The following PCNT variants were observed in gnomAD, a reference collection of about 807,000 sequenced individuals.
The protein encoded by PCNT is pericentrin, also known as kendrin.
Under a neutral mutation model 380.4 loss-of-function variants are expected in PCNT, and 319 were observed. That is an observed-to-expected ratio of 0.84 (90% CI 0.77 to 0.92). PCNT has a LOEUF of 0.92. PCNT is among the 40% of genes least tolerant of loss of function. PCNT has a pLI of 0.00. For synonymous variants in PCNT, 1,845 were observed against 1,735.2 expected, an observed-to-expected ratio of 1.06 and a Z score of -1.57; for missense variants, 4,400 against 4,255.3, an observed-to-expected ratio of 1.03 and a Z score of -0.95.
Position 46,335,188 on chromosome 21 carries a change from A to G in PCNT, c.639+420A>G, listed in dbSNP as rs116696068. ...CTGGTACCTCGTTTCTCACATCATC[A>G]GTTTGTGACTGGAAGTCCTGTGCCA... On this transcript the variant is annotated intron_variant, in intron 3 of 46. Coordinates refer to ENST00000359568, the MANE Select transcript of PCNT (RefSeq NM_006031.6). Among the ~76,000 whole-genome samples the G allele has an allele frequency of 7.7e-3, 1,164 of 152,096 alleles. 15 individuals are homozygous for G. Among genetic ancestry groups the G allele is most frequent in the African/African-American group, 0.027 (1,109 of 41,482 alleles).
At chr21:46,335,974 G>T (rs1215316978) in intron 3 of PCNT, among the ~76,000 whole-genome samples, 1 of 151,762 alleles carries the variant, frequency 6.6e-6, no homozygotes, top group African/African-American at 2.4e-5. Context: ...CACTGCACTT[G>T]GCCGGCAAAT....
chr21:46,343,690 A>G (rs776821365), intron 3 of PCNT, among the ~76,000 whole-genome samples: 16 of 152,142 alleles, frequency 1.1e-4, no homozygotes, highest in Non-Finnish European at 8.8e-5. Context: ...TTTCAGTAGG[A>G]TTAGTACCAA....
chr21:46,374,038 T>G (rs1304498683), intron 15 of PCNT, among the ~76,000 whole-genome samples: 1 of 152,146 alleles, frequency 6.6e-6, no homozygotes, highest in Non-Finnish European at 1.5e-5. Flanking sequence ...GCTCAGATAC[T>G]CTTTTATGTG....
At chr21:46,349,516 C>T (rs546741926) in intron 7 of PCNT, among the ~76,000 whole-genome samples, 168 bp from the exon 8 acceptor site, 2 of 152,280 alleles carry the variant, frequency 1.3e-5, no homozygotes, top group East Asian at 3.9e-4. Flanking sequence ...CATGGGTAGG[C>T]GATGTCCCCT....
chr21:46,407,879 A>T (rs2086665947), intron 27 of PCNT, among the ~76,000 whole-genome samples: 1 of 150,904 alleles, frequency 6.6e-6, no homozygotes, highest in Non-Finnish European at 1.5e-5. Context: ...TTCTCCTCTT[A>T]TTTTCATTAT....
rs1339599383 is a variant in PCNT at position 46,353,195 on chromosome 21, G to C, written c.1548G>C (p.Leu516=). 6.2e-7 allele frequency: 1 copy of C among 1,614,024 alleles called. No homozygotes were observed. Among genetic ancestry groups the C allele is most frequent in the Non-Finnish European group, 8.5e-7 (1 of 1,180,024 alleles). ...AAAAAACCCAGCATGAGTCCGAACTGGAGCAACTGAGGATTTATTTTGAAA... is the reference window on the plus strand; with the variant it reads ...AAAAAACCCAGCATGAGTCCGAACTCGAGCAACTGAGGATTTATTTTGAAA... ...QREKTQHESE[L]EQLRIYFEKK... is the part of the protein sequence containing the mutation. The change falls in exon 10 of 47, where the codon CTG becomes CTC. Residue 516 remains leucine, a synonymous_variant. Transcript: ENST00000359568.
chr21:46,386,116 G>C (rs2085825294), intron 17 of PCNT, 133 bp downstream of exon 17: 1 of 1,037,766 alleles, frequency 9.6e-7, no homozygotes, highest in African/African-American at 1.6e-5. Flanking sequence ...GGTGGACGGG[G>C]ACCCGGCTTC....
chr21:46,353,570 A>T (rs1477608811), intron 10 of PCNT, among the ~76,000 whole-genome samples: 2 of 151,652 alleles, frequency 1.3e-5, no homozygotes, highest in Admixed American at 6.6e-5. Context: ...TTGGTGGTGG[A>T]CACGCTCGTG....
Position 46,381,714 on chromosome 21 carries a change from G to C in PCNT, c.3186G>C (p.Lys1062Asn). ...TACAGGGTGAATTTGGAAGTGAAAA[G>C]AAAACTGCTTTGCATGAAAAAGAGG... Reference protein sequence around the residue: ...GVHQGEFGSEKKTALHEKEET... With the variant: ...GVHQGEFGSENKTALHEKEET... The change falls in exon 16 of 47, where the codon AAG (lysine) becomes AAC (asparagine). Residue 1062 changes from lysine to asparagine, a missense_variant. Lys to Asn is a moderately conservative substitution (Grantham distance 94). Transcript: ENST00000359568. 1 of 1,614,074 alleles carries C rather than the reference G, an allele frequency of 6.2e-7. No homozygotes were observed. Among genetic ancestry groups the C allele is most frequent in the South Asian group, 1.1e-5 (1 of 91,080 alleles).
intron 3 of PCNT, among the ~76,000 whole-genome samples, chr21:46,336,039 C>T (rs1047394947): frequency 6.6e-6 from 1 of 151,976 alleles, no homozygotes; most frequent in Non-Finnish European, 1.5e-5. Context: ...TGCAGTGGCG[C>T]GATCTCGGCT....
intron 36 of PCNT, 86 bp downstream of exon 36, chr21:46,430,318 C>T: frequency 1.4e-6 from 2 of 1,439,404 alleles, no homozygotes; most frequent in Non-Finnish European, 1.9e-6. Flanking sequence ...GACAGAACCT[C>T]TGGTGGGCCG....
chr21:46,417,243 G>A (rs752884000), intron 30 of PCNT, among the ~76,000 whole-genome samples: 16 of 124,148 alleles, frequency 1.3e-4, no homozygotes, highest in Admixed American at 4.2e-4. Context: ...ACCCAGGCTA[G>A]AGTGCAGTGA....
chr21:46,388,007 G>C lies in PCNT; in HGVS notation c.3465-735G>C, dbSNP rs368230816. The stretch of plus-strand genomic sequence containing the variant: ...GGGTGGATCATGAGGTCAGGAGATC[G>C]AGACCATCCTGGCTAACATGGTGAA... On this transcript the variant is annotated intron_variant, in intron 17 of 46. Coordinates refer to ENST00000359568, the MANE Select transcript of PCNT (RefSeq NM_006031.6). The surrounding 1 kb of genome is among the most constrained non-coding windows in gnomAD (Gnocchi z 4.2). Among the ~76,000 whole-genome samples, 8 of 151,980 alleles carry C rather than the reference G, an allele frequency of 5.3e-5. 1 individual carries two copies. The highest frequency in any genetic ancestry group is 4.2e-4 in the South Asian group (2 of 4,808).
Position 46,388,769 on chromosome 21 carries a change from G to T in PCNT, c.3492G>T (p.Arg1164Ser). The change falls in exon 18 of 47, where the codon AGG becomes AGT. Residue 1164 changes from arginine to serine, a missense_variant. By Grantham distance (110) the Arg-to-Ser change is moderately radical (BLOSUM62 -1). Transcript: ENST00000359568. The surrounding 1 kb of genome is among the most constrained non-coding windows in gnomAD (Gnocchi z 4.2). ...GGGCCCTCCAGGACGCCCTGCGCAG[G>T]CTGCTGGGTTTGTTTGGAGAGACGC... ...ERGALQDALR[R>S]LLGLFGETLR... is the part of the protein sequence containing the mutation. The T allele has an allele frequency of 6.2e-7, 1 of 1,613,896 alleles. No individual in the cohort carries two copies. The highest frequency in any genetic ancestry group is 2.2e-5 in the East Asian group (1 of 44,868).
At chr21:46,418,376 T>C in intron 31 of PCNT, 70 bp downstream of exon 31, 1 of 951,228 alleles carries the variant, frequency 1.1e-6, no homozygotes, top group Non-Finnish European at 1.7e-6. Context: ...GTCAAAAGAA[T>C]TCCTGCATCC....
chr21:46,342,503 G>GT (rs1569172095), intron 3 of PCNT, among the ~76,000 whole-genome samples: 1 of 147,540 alleles, frequency 6.8e-6, no homozygotes, highest in Non-Finnish European at 1.5e-5. Context: ...ACCTGGATGT[G>GT]TTTTTTATCT....
intron 42 of PCNT, 50 bp downstream of exon 42, chr21:46,440,252 G>A (rs574887155): frequency 2.5e-6 from 4 of 1,607,736 alleles, no homozygotes; most frequent in African/African-American, 1.3e-5. Context: ...TTAAGTCCTG[G>A]GTTTGCAAAT....
chr21:46,423,430 A>G (rs536620423), intron 32 of PCNT, among the ~76,000 whole-genome samples: 9 of 151,922 alleles, frequency 5.9e-5, no homozygotes, highest in African/African-American at 2.2e-4. Context: ...AGCTCAAGTA[A>G]TCTGCCCACC....
chr21:46,379,732 G>C (rs1016662197), intron 15 of PCNT, among the ~76,000 whole-genome samples: 14 of 152,090 alleles, frequency 9.2e-5, no homozygotes, highest in African/African-American at 3.4e-4. Context: ...CCCCTCTCTA[G>C]TGAATTTTTT....
Sources: allele counts gnomAD v4.1 joint callset (sites outside exome capture counted in the v4.1 genomes callset), GRCh38; gene constraint gnomAD v4.1.1; non-coding constraint Gnocchi (gnomAD v3.1); transcripts MANE v1.5; gene names NCBI Gene and HGNC (gene_info 2026-07-23, HGNC 2026-07-21).